Variants in CYRIA observed in about 807,000 individuals in gnomAD.
The protein encoded by CYRIA is CYFIP related Rac1 interactor A.
In CYRIA, 15 loss-of-function variants were observed where a neutral mutation model predicts 43.9. The ratio of observed to expected loss-of-function variants is 0.34; its 90% CI spans 0.23 to 0.53. CYRIA has a LOEUF of 0.53. Ranked by LOEUF, CYRIA falls within the 20% of genes least tolerant of loss-of-function variation. The pLI is 0.94. For missense variants in CYRIA, 236 were observed against 394.2 expected (o/e 0.60, Z 3.40); for synonymous variants, 117 against 136.0 (o/e 0.86, Z 0.97).
intron 1 of CYRIA, among the ~76,000 whole-genome samples, chr2:16,636,846 T>C (rs1669511077): frequency 6.6e-6 from 1 of 151,862 alleles, no homozygotes; most frequent in African/African-American, 2.4e-5. Flanking sequence ...CATGGTGGCA[T>C]GCGCCTGTAG....
chr2:16,590,137 C>T (rs368233407), intron 2 of CYRIA, among the ~76,000 whole-genome samples: 33 of 152,098 alleles, frequency 2.2e-4, no homozygotes, highest in African/African-American at 7.7e-4. Context: ...AAAGATTATT[C>T]TTTGTCTTTT....
At chr2:16,581,206 A>C (rs192864699) in intron 3 of CYRIA, among the ~76,000 whole-genome samples, 40 of 152,356 alleles carry the variant, frequency 2.6e-4, no homozygotes, top group African/African-American at 8.7e-4. Context: ...AGCTTACAAA[A>C]CACATGTATA....
chr2:16,549,831 A>G lies in CYRIA; in HGVS notation c.*3105T>C, dbSNP rs1366965058. On this transcript the variant is annotated 3_prime_UTR_variant, in exon 12 of 12. Coordinates refer to ENST00000381323, the MANE Select transcript of CYRIA (RefSeq NM_030797.4). ...TACTTAAATGTGATGATGCATCAGT[A>G]ACCTCAGTTTACCATTAAGGTCTTA... The G allele has an allele frequency of 6.6e-6, 1 of 152,180 alleles. No individual in the cohort carries two copies. Among genetic ancestry groups the G allele is most frequent in the Non-Finnish European group, 1.5e-5 (1 of 68,014 alleles). 9.4% of individuals were successfully genotyped at this position (152,180 alleles called of 1,614,324 possible). A position where few individuals can be genotyped will look rare whatever the true frequency, so the allele number is the denominator to read the frequency against.
Position 16,551,026 on chromosome 2 carries a change from A to T in CYRIA, c.*1910T>A, listed in dbSNP as rs1296742712. The T allele has an allele frequency of 2.0e-5, 3 of 152,216 alleles. No homozygotes were observed. The highest frequency in any genetic ancestry group is 3.9e-4 in the East Asian group (2 of 5,158). The allele number at this position is 152,216 out of a possible 1,614,324, so 9.4% of individuals were successfully genotyped here. On this transcript the variant is annotated 3_prime_UTR_variant, in exon 12 of 12. Coordinates refer to ENST00000381323, the MANE Select transcript of CYRIA (RefSeq NM_030797.4). ...AAAAAGGTCTTGAAGACCACCTAGC[A>T]TATTTCTATTCTGATGAGAGAAACT...
rs1487966595 is a variant in CYRIA at position 16,551,074 on chromosome 2, TCAAC to T, written c.*1858_*1861del. On this transcript the variant is annotated 3_prime_UTR_variant, in exon 12 of 12. Transcript: ENST00000381323. Reference sequence around the variant, plus strand: ...ACTCCATCCAAGCAGCTGTACTTTTTCAACTTGAAAATCTCCAAGGAAAAGAGCC... The same window carrying T: ...ACTCCATCCAAGCAGCTGTACTTTTTTTGAAAATCTCCAAGGAAAAGAGCC... 1.3e-5 allele frequency: 2 copies of T among 152,144 alleles called. No homozygotes were observed. The highest frequency in any genetic ancestry group is 4.8e-5 in the African/African-American group (2 of 41,448). 9.4% of individuals were successfully genotyped at this position (152,144 alleles called of 1,614,324 possible). A position where few individuals can be genotyped will look rare whatever the true frequency, so the allele number is the denominator to read the frequency against.
At chr2:16,607,338 T>C (rs1023793630) in intron 2 of CYRIA, among the ~76,000 whole-genome samples, 4 of 151,936 alleles carry the variant, frequency 2.6e-5, no homozygotes, top group African/African-American at 9.7e-5. Context: ...TGCTACTTCC[T>C]GAGACAGAAT....
chr2:16,592,543 G>A (rs1431539940), intron 2 of CYRIA, among the ~76,000 whole-genome samples: 2 of 152,110 alleles, frequency 1.3e-5, no homozygotes, highest in Non-Finnish European at 2.9e-5. Context: ...GAAGGTGTCT[G>A]GGCATCTGGG....
chr2:16,587,777 AG>A (rs1667785385), intron 3 of CYRIA, among the ~76,000 whole-genome samples: 2 of 151,970 alleles, frequency 1.3e-5, no homozygotes, highest in South Asian at 4.2e-4. Context: ...CCCCTACACA[AG>A]CTCTCTCTTG....
At chr2:16,589,134 A>G (rs763878771) in intron 2 of CYRIA, among the ~76,000 whole-genome samples, 1 of 152,128 alleles carries the variant, frequency 6.6e-6, no homozygotes, top group Admixed American at 6.6e-5. Flanking sequence ...TTGGAAAGAC[A>G]TTCCTCTAAC....
At chr2:16,592,956 C>T (rs1667980164) in intron 2 of CYRIA, among the ~76,000 whole-genome samples, 1 of 152,046 alleles carries the variant, frequency 6.6e-6, no homozygotes, top group Admixed American at 6.5e-5. Context: ...TATAAAGCAC[C>T]ATCTAACTGC....
intron 3 of CYRIA, among the ~76,000 whole-genome samples, chr2:16,579,452 C>T (rs1667472178): frequency 6.7e-6 from 1 of 148,584 alleles, no homozygotes; most frequent in South Asian, 2.1e-4. Context: ...CACACTCGCT[C>T]TCTCTCTCTC....
At position 16,661,164 on chromosome 2, in the gene CYRIA, A is replaced by T. The variant is rs1195149121; in HGVS notation, c.-167+4616T>A. ...GTGGTGCACACCTGTGGTCCCAGCT[A>T]CTCAGGAGGCTGGGGTGGGAGGATT... On this transcript the variant is annotated intron_variant, in intron 1 of 11. Transcript: ENST00000381323. Among the ~76,000 whole-genome samples the T allele has an allele frequency of 3.9e-5, 6 of 152,176 alleles. No individual in the cohort carries two copies. The East Asian group carries it at 1.2e-3, about 29-fold the overall frequency.
chr2:16,656,874 G>A (rs1469285289), intron 1 of CYRIA, among the ~76,000 whole-genome samples: 1 of 152,194 alleles, frequency 6.6e-6, no homozygotes, highest in Non-Finnish European at 1.5e-5. Flanking sequence ...CGAGTCACCA[G>A]GGCCAAAATA....
intron 3 of CYRIA, among the ~76,000 whole-genome samples, chr2:16,579,863 CA>C (rs1667487941): frequency 1.3e-5 from 2 of 151,852 alleles, no homozygotes; most frequent in South Asian, 4.2e-4. Context: ...TGTATTGACT[CA>C]AATACTAAGC....
At chr2:16,663,476 C>G (rs1230995214) in intron 1 of CYRIA, among the ~76,000 whole-genome samples, 1 of 152,022 alleles carries the variant, frequency 6.6e-6, no homozygotes, top group Non-Finnish European at 1.5e-5. Flanking sequence ...AAAAAAACAC[C>G]AGGGAAGGGA....
intron 3 of CYRIA, among the ~76,000 whole-genome samples, chr2:16,569,114 T>C (rs1010598272): frequency 5.3e-5 from 8 of 152,132 alleles, no homozygotes; most frequent in Admixed American, 5.2e-4. Flanking sequence ...AAGGGACCTT[T>C]CAACAAATCA....
chr2:16,608,592 T>C (rs1668486962), intron 2 of CYRIA, among the ~76,000 whole-genome samples: 1 of 152,250 alleles, frequency 6.6e-6, no homozygotes, highest in Non-Finnish European at 1.5e-5. Context: ...GGGAGAGTCA[T>C]TGGACTCTTT....
chr2:16,583,933 T>G (rs1667639155), intron 3 of CYRIA, among the ~76,000 whole-genome samples: 1 of 152,226 alleles, frequency 6.6e-6, no homozygotes. Context: ...ATGTGTCTAA[T>G]TTTGTATTGT....
chr2:16,549,580 A>C lies in CYRIA; in HGVS notation c.*3356T>G, dbSNP rs1666223290. The C allele has an allele frequency of 6.6e-6, 1 of 152,170 alleles. No individual in the cohort carries two copies. Among genetic ancestry groups the C allele is most frequent in the Non-Finnish European group, 1.5e-5 (1 of 68,016 alleles). The allele number at this position is 152,170 out of a possible 1,614,324, so 9.4% of individuals were successfully genotyped here. A position where few individuals can be genotyped will look rare whatever the true frequency, so the allele number is the denominator to read the frequency against. Reference sequence around the variant, plus strand: ...AGCAAACAACATATGAAAACTGCAAAACAGCCTTGGGTCTGTAATGGCCTT... The same window carrying C: ...AGCAAACAACATATGAAAACTGCAACACAGCCTTGGGTCTGTAATGGCCTT... On this transcript the variant is annotated 3_prime_UTR_variant, in exon 12 of 12. Transcript: ENST00000381323.
Sources: allele counts gnomAD v4.1 joint callset (sites outside exome capture counted in the v4.1 genomes callset), GRCh38; gene constraint gnomAD v4.1.1; transcripts MANE v1.5; gene names NCBI Gene and HGNC (gene_info 2026-07-23, HGNC 2026-07-21).